DYNC1I1: variants seen among roughly 807,000 people sequenced by gnomAD.
DYNC1I1 encodes the protein dynein cytoplasmic 1 intermediate chain 1, also known as cytoplasmic dynein 1 intermediate chain 1.
Under a neutral mutation model 86.6 loss-of-function variants are expected in DYNC1I1, and 43 were observed. That is an observed-to-expected ratio of 0.50 (90% CI 0.39 to 0.64). The LOEUF (loss-of-function observed/expected upper bound fraction) is 0.64, where lower values mean the gene tolerates loss of function less well. DYNC1I1 is among the 30% of genes least tolerant of loss of function. DYNC1I1 has a pLI of 0.00. For synonymous variants in DYNC1I1, 262 were observed against 283.7 expected, an observed-to-expected ratio of 0.92 and a Z score of 0.77; for missense variants, 604 against 788.8, an observed-to-expected ratio of 0.77 and a Z score of 2.81.
chr7:96,087,696 A>G (rs1012013506), intron 16 of DYNC1I1, among the ~76,000 whole-genome samples: 10 of 152,218 alleles, frequency 6.6e-5, no homozygotes, highest in African/African-American at 2.2e-4. Flanking sequence ...GATAACATCT[A>G]GATAGCAGTT....
At chr7:95,818,542 G>A (rs1424749993) in intron 4 of DYNC1I1, 6 of 640,458 alleles carry the variant, frequency 9.4e-6, no homozygotes, top group Admixed American at 2.2e-5. Context: ...TTGAACTTCT[G>A]GCCTCAAATG....
chr7:95,864,488 C>G (rs1050857553), intron 5 of DYNC1I1, among the ~76,000 whole-genome samples: 1 of 152,092 alleles, frequency 6.6e-6, no homozygotes, highest in Non-Finnish European at 1.5e-5. Context: ...GCCAGCTTTC[C>G]CAGCCAAGTT....
chr7:95,844,424 C>T (rs1789373006), intron 5 of DYNC1I1, among the ~76,000 whole-genome samples: 2 of 152,178 alleles, frequency 1.3e-5, no homozygotes, highest in Admixed American at 6.6e-5. Flanking sequence ...CTAGTGGATT[C>T]TTCCTGCCTG....
At chr7:95,892,348 C>T (rs1306339081) in intron 6 of DYNC1I1, among the ~76,000 whole-genome samples, 3 of 151,930 alleles carry the variant, frequency 2.0e-5, no homozygotes, top group East Asian at 1.9e-4. Flanking sequence ...CTTGCTCTGT[C>T]GCCCAGGCGG....
chr7:95,818,797 T>C (rs1795008697), intron 4 of DYNC1I1: 2 of 334,816 alleles, frequency 6.0e-6, no homozygotes, highest in Middle Eastern at 7.9e-4. Flanking sequence ...ATATTATATG[T>C]ATGTCATCAT....
intron 1 of DYNC1I1, among the ~76,000 whole-genome samples, chr7:95,802,262 A>G (rs549489920): frequency 6.6e-6 from 1 of 152,150 alleles, no homozygotes; most frequent in African/African-American, 2.4e-5. Flanking sequence ...TGCTTTCTCA[A>G]AGTCAAATTG....
At chr7:95,904,367 A>G (rs955417020) in intron 6 of DYNC1I1, among the ~76,000 whole-genome samples, 35 of 152,164 alleles carry the variant, frequency 2.3e-4, no homozygotes, top group Non-Finnish European at 4.7e-4. Flanking sequence ...GATGCACCCT[A>G]GTAAGCCATA....
chr7:96,067,445 C>CTT (rs555422571), intron 14 of DYNC1I1, among the ~76,000 whole-genome samples: 2,667 of 138,706 alleles, frequency 0.019, 64 homozygotes, highest in African/African-American at 0.066. Flanking sequence ...TCTTTCTTTC[C>CTT]TTTTTTTTTT....
intron 11 of DYNC1I1, among the ~76,000 whole-genome samples, chr7:96,030,758 A>G (rs1456964585): frequency 6.6e-6 from 1 of 151,950 alleles, no homozygotes; most frequent in Non-Finnish European, 1.5e-5. Context: ...GTTACATCCA[A>G]TCTTCCATTT....
chr7:95,869,177 C>T (rs13238270), intron 5 of DYNC1I1, among the ~76,000 whole-genome samples: 30,708 of 151,906 alleles, frequency 0.2, 3,916 homozygotes, highest in East Asian at 0.45. Context: ...CATAAAGGCA[C>T]GTAACATAAT....
intron 2 of DYNC1I1, among the ~76,000 whole-genome samples, chr7:95,808,050 G>A (rs560720040): frequency 4.6e-5 from 7 of 152,132 alleles, no homozygotes; most frequent in African/African-American, 9.6e-5. Flanking sequence ...TGAGAGGCAC[G>A]TCCCAGACAT....
chr7:95,983,251 C>T (rs997757012), intron 7 of DYNC1I1, among the ~76,000 whole-genome samples: 1 of 152,142 alleles, frequency 6.6e-6, no homozygotes, highest in Non-Finnish European at 1.5e-5. Flanking sequence ...TGGAAAGTCT[C>T]AGTACACACT....
chr7:95,845,722 A>G (rs1306431383), intron 5 of DYNC1I1, among the ~76,000 whole-genome samples: 2 of 152,212 alleles, frequency 1.3e-5, no homozygotes, highest in Non-Finnish European at 2.9e-5. Context: ...GAATCTATAA[A>G]TATAGATTTA....
chr7:95,799,742 T>C (rs1794533378), intron 1 of DYNC1I1, among the ~76,000 whole-genome samples: 1 of 152,010 alleles, frequency 6.6e-6, no homozygotes, highest in Admixed American at 6.6e-5. Flanking sequence ...TGTTTTAGAA[T>C]GGCTAGGAAC....
At chr7:96,044,184 G>T (rs921774016) in intron 14 of DYNC1I1, among the ~76,000 whole-genome samples, 2 of 152,138 alleles carry the variant, frequency 1.3e-5, no homozygotes, top group Non-Finnish European at 2.9e-5. Flanking sequence ...CTGGATGATT[G>T]ATATTAGTCT....
At chr7:96,021,258 G>A (rs1191350102) in intron 10 of DYNC1I1, among the ~76,000 whole-genome samples, 1 of 152,126 alleles carries the variant, frequency 6.6e-6, no homozygotes, top group African/African-American at 2.4e-5. Flanking sequence ...AAGGCTTAAA[G>A]GAGTCACACA....
At chr7:95,792,549 C>A (rs958826623) in intron 1 of DYNC1I1, among the ~76,000 whole-genome samples, 5 of 152,152 alleles carry the variant, frequency 3.3e-5, no homozygotes, top group Non-Finnish European at 7.3e-5. Flanking sequence ...TCAATGTTTT[C>A]CCCACAACTC....
intron 16 of DYNC1I1, among the ~76,000 whole-genome samples, chr7:96,088,694 T>G (rs1790753681): frequency 6.6e-6 from 1 of 152,176 alleles, no homozygotes; most frequent in Non-Finnish European, 1.5e-5. Context: ...TACATGTGTA[T>G]GTGTGCTACT....
chr7:96,084,942 C>T (rs938278123), intron 16 of DYNC1I1, among the ~76,000 whole-genome samples: 15 of 152,086 alleles, frequency 9.9e-5, no homozygotes, highest in African/African-American at 2.9e-4. Context: ...TGGAGTGGAG[C>T]GGGACAGGCT....
Sources: gnomAD v4.1 joint callset for allele counts (sites outside exome capture counted in the v4.1 genomes callset) on GRCh38, gnomAD v4.1.1 for gene constraint, MANE v1.5 for transcripts, NCBI Gene and HGNC (gene_info 2026-07-23, HGNC 2026-07-21) for gene names.